Variants in PDE8A observed in about 807,000 individuals in gnomAD.
PDE8A encodes high affinity cAMP-specific and IBMX-insensitive 3',5'-cyclic phosphodiesterase 8A.
Under a neutral mutation model 105.0 loss-of-function variants are expected in PDE8A, and 59 were observed. The ratio of observed to expected loss-of-function variants is 0.56; its 90% confidence interval spans 0.46 to 0.70. PDE8A has a LOEUF of 0.70. Among genes scored for constraint, PDE8A ranks in the 30% least tolerant of loss-of-function variants. The pLI, the probability that PDE8A is intolerant of heterozygous loss-of-function variation, is 0.00. For missense variants in PDE8A, 1,014 were observed against 1,045.9 expected, an observed-to-expected ratio of 0.97 and a Z score of 0.42; for synonymous variants, 355 against 371.9, an observed-to-expected ratio of 0.95 and a Z score of 0.52.
intron 1 of PDE8A, among the ~76,000 whole-genome samples, chr15:85,025,651 T>C (rs59143550): frequency 0.086 from 13,159 of 152,254 alleles, 1,570 homozygotes; most frequent in African/African-American, 0.27. Flanking sequence ...ATGAAAGTTA[T>C]TCATTAATAG....
At chr15:85,037,141 C>T (rs1413500529) in intron 1 of PDE8A, among the ~76,000 whole-genome samples, 1 of 151,692 alleles carries the variant, frequency 6.6e-6, no homozygotes, top group African/African-American at 2.4e-5. Context: ...TCTTGGCTCA[C>T]TGCAACCTCT....
chr15:85,135,672 C>G (rs1304202544), intron 20 of PDE8A, among the ~76,000 whole-genome samples: 1 of 152,168 alleles, frequency 6.6e-6, no homozygotes, highest in Non-Finnish European at 1.5e-5. Context: ...TGGCCTCATT[C>G]CCACCCCATG....
chr15:84,994,973 AAGAG>A (rs1206272799), intron 1 of PDE8A, among the ~76,000 whole-genome samples: 1 of 151,928 alleles, frequency 6.6e-6, no homozygotes, highest in East Asian at 1.9e-4. Context: ...AAAAAAAAAA[AAGAG>A]AGAAAAAGCA....
At chr15:85,100,249 AAAAT>A (rs1240506769) in intron 11 of PDE8A, 51 bp downstream of exon 11, 1 of 1,516,546 alleles carries the variant, frequency 6.6e-7, no homozygotes, top group South Asian at 1.2e-5. Context: ...TTGGAGAAAA[AAAAT>A]AAAAACAGAT....
At chr15:85,002,733 C>G (rs2080086333) in intron 1 of PDE8A, among the ~76,000 whole-genome samples, 1 of 152,162 alleles carries the variant, frequency 6.6e-6, no homozygotes, top group Non-Finnish European at 1.5e-5. Flanking sequence ...GCTGTGGTAA[C>G]CAGCACCCCA....
chr15:85,059,118 C>A (rs1429248625), intron 1 of PDE8A, among the ~76,000 whole-genome samples: 1 of 152,054 alleles, frequency 6.6e-6, no homozygotes, highest in Non-Finnish European at 1.5e-5. Context: ...TCTAATTTAT[C>A]TTGTGTATTC....
intron 1 of PDE8A, among the ~76,000 whole-genome samples, chr15:85,007,129 G>A (rs1005332619): frequency 6.6e-6 from 1 of 152,150 alleles, no homozygotes. Flanking sequence ...TGATGAGAGA[G>A]CAAAAGTGTG....
intron 5 of PDE8A, among the ~76,000 whole-genome samples, chr15:85,078,511 C>T (rs1162489886): frequency 4.7e-5 from 6 of 128,722 alleles, no homozygotes; most frequent in African/African-American, 1.7e-4. Context: ...GATTGTGCCA[C>T]TGCACTCCAG....
intron 5 of PDE8A, among the ~76,000 whole-genome samples, chr15:85,077,826 G>C (rs2081401323): frequency 6.6e-6 from 1 of 152,072 alleles, no homozygotes; most frequent in South Asian, 2.1e-4. Flanking sequence ...ATTTTATGAG[G>C]AACAAAACTG....
chr15:84,986,833 C>CA lies in PDE8A; in HGVS notation c.186+4488dup, dbSNP rs751313206. The stretch of plus-strand genomic sequence containing the variant: ...CTTGCTGTGCTGCCCAGGCTAGGCT[C>CA]AAACTCCTGGGCTCCTGTGATTCCC... On this transcript the variant is annotated intron_variant, in intron 1 of 21. Coordinates refer to ENST00000394553, the MANE Select transcript of PDE8A (RefSeq NM_002605.3). 7.2e-5 allele frequency among the ~76,000 whole-genome samples: 11 copies of CA among 152,102 alleles called. No individual in the cohort carries two copies. The East Asian group carries it at 1.5e-3, about 21-fold the overall frequency.
At chr15:85,129,920 T>C (rs1468919434) in intron 20 of PDE8A, among the ~76,000 whole-genome samples, 1 of 152,272 alleles carries the variant, frequency 6.6e-6, no homozygotes, top group Non-Finnish European at 1.5e-5. Flanking sequence ...TTATGATTTC[T>C]TCTTTGACCC....
At chr15:85,116,375 G>T in intron 16 of PDE8A, 1 of 458,808 alleles carries the variant, frequency 2.2e-6, no homozygotes, top group Non-Finnish European at 3.9e-6. Context: ...ACTTTTTTCT[G>T]TGAAATAAAG....
At chr15:85,029,324 G>C (rs553786386) in intron 1 of PDE8A, among the ~76,000 whole-genome samples, 1 of 151,652 alleles carries the variant, frequency 6.6e-6, no homozygotes, top group South Asian at 2.1e-4. Context: ...GCTACCGTCG[G>C]AAACTTACAT....
chr15:85,088,778 C>T (rs1172541502), intron 6 of PDE8A, among the ~76,000 whole-genome samples: 3 of 151,986 alleles, frequency 2.0e-5, no homozygotes, highest in Admixed American at 2.0e-4. Flanking sequence ...AACATTGTCA[C>T]TTGTATAATT....
chr15:85,079,167 A>G (rs1180262913), intron 5 of PDE8A, among the ~76,000 whole-genome samples: 3 of 152,232 alleles, frequency 2.0e-5, no homozygotes, highest in Non-Finnish European at 4.4e-5. Flanking sequence ...ACAGATAAAC[A>G]TAGACTAGAA....
intron 1 of PDE8A, among the ~76,000 whole-genome samples, chr15:85,029,035 A>G (rs923103831): frequency 2.0e-5 from 3 of 152,190 alleles, no homozygotes; most frequent in African/African-American, 7.2e-5. Context: ...GCTGAAGACC[A>G]TGTGAAGCTA....
At chr15:85,122,399 T>C (rs867972850) in intron 18 of PDE8A, among the ~76,000 whole-genome samples, 15 of 152,194 alleles carry the variant, frequency 9.9e-5, no homozygotes, top group Non-Finnish European at 8.8e-5. Context: ...TTTTTGATTT[T>C]GTAAAACTCC....
chr15:85,030,163 G>A (rs2080589615), intron 1 of PDE8A, among the ~76,000 whole-genome samples: 1 of 152,098 alleles, frequency 6.6e-6, no homozygotes, highest in African/African-American at 2.4e-5. Context: ...CTCTAAATTA[G>A]AGTCCCACAA....
chr15:85,122,900 C>G (rs1296925807), intron 18 of PDE8A, among the ~76,000 whole-genome samples, 161 bp from the exon 19 acceptor site: 1 of 152,172 alleles, frequency 6.6e-6, no homozygotes, highest in Non-Finnish European at 1.5e-5. Flanking sequence ...AGGCACTAAC[C>G]CCTAACTTCC....
Sources: gnomAD v4.1 joint callset for allele counts (sites outside exome capture counted in the v4.1 genomes callset) on GRCh38, gnomAD v4.1.1 for gene constraint, MANE v1.5 for transcripts, NCBI Gene and HGNC (gene_info 2026-07-23, HGNC 2026-07-21) for gene names.